The following DGKI variants were observed in gnomAD, a reference collection of about 807,000 sequenced individuals.
DGKI encodes DAG kinase iota.
A neutral mutation model predicts 147.5 loss-of-function variants in DGKI; 55 were observed. The ratio of observed to expected loss-of-function variants is 0.37; its 90% CI spans 0.30 to 0.47. The LOEUF (loss-of-function observed/expected upper bound fraction) is 0.47, where lower values mean the gene tolerates loss of function less well. DGKI is among the 20% of genes least tolerant of loss of function. The probability of loss-of-function intolerance (pLI) is 1.00; values close to 1 mark genes in which losing one functional copy is unlikely to be tolerated. For synonymous variants in DGKI, 469 were observed against 477.1 expected, an observed-to-expected ratio of 0.98 and a Z score of 0.22; for missense variants, 1,007 against 1,323.8, an observed-to-expected ratio of 0.76 and a Z score of 3.71.
At chr7:137,808,400 A>C (rs1343431309) in intron 1 of DGKI, among the ~76,000 whole-genome samples, 1 of 152,190 alleles carries the variant, frequency 6.6e-6, no homozygotes, top group Non-Finnish European at 1.5e-5. Flanking sequence ...TGTTTACAGT[A>C]TTTCATTTAC....
chr7:137,845,997 T>C (rs1798703400), intron 1 of DGKI, among the ~76,000 whole-genome samples: 1 of 152,102 alleles, frequency 6.6e-6, no homozygotes. Context: ...GTCAAGTTAG[T>C]GCCAAAGGTT....
chr7:137,766,603 C>G (rs1196164424), intron 1 of DGKI, among the ~76,000 whole-genome samples: 1 of 152,168 alleles, frequency 6.6e-6, no homozygotes, highest in Non-Finnish European at 1.5e-5. Context: ...TCATGGACTT[C>G]CTCCAGGGCA....
At chr7:137,691,712 T>C (rs1229678371) in intron 1 of DGKI, among the ~76,000 whole-genome samples, 1 of 150,458 alleles carries the variant, frequency 6.6e-6, no homozygotes, top group Non-Finnish European at 1.5e-5. Flanking sequence ...AAACACTGAG[T>C]AGAAGCCAGT....
At chr7:137,506,242 T>C (rs1338934788) in intron 21 of DGKI, among the ~76,000 whole-genome samples, 2 of 152,198 alleles carry the variant, frequency 1.3e-5, no homozygotes, top group Admixed American at 1.3e-4. Flanking sequence ...AATTGTGGTA[T>C]GCCCAGACAA....
At chr7:137,763,181 G>T (rs953366500) in intron 1 of DGKI, among the ~76,000 whole-genome samples, 1 of 152,186 alleles carries the variant, frequency 6.6e-6, no homozygotes, top group African/African-American at 2.4e-5. Context: ...ATTTTTATAG[G>T]CAACAGAATG....
At chr7:137,416,842 G>A (rs1039251411) in intron 28 of DGKI, among the ~76,000 whole-genome samples, 1 of 152,138 alleles carries the variant, frequency 6.6e-6, no homozygotes, top group Non-Finnish European at 1.5e-5. Context: ...AAGATCATAT[G>A]ACAGAATCAT....
intron 1 of DGKI, among the ~76,000 whole-genome samples, chr7:137,813,284 A>G (rs1259354009): frequency 6.6e-6 from 1 of 151,882 alleles, no homozygotes; most frequent in Non-Finnish European, 1.5e-5. Context: ...CTGAAAACCA[A>G]CTCCTGACTT....
chr7:137,448,868 G>T (rs1813838056), intron 27 of DGKI, among the ~76,000 whole-genome samples: 2 of 152,172 alleles, frequency 1.3e-5, no homozygotes, highest in South Asian at 4.1e-4. Flanking sequence ...TGAACTAGTT[G>T]TTATTAAAGA....
intron 14 of DGKI, among the ~76,000 whole-genome samples, chr7:137,584,293 A>T (rs189122802): frequency 2.0e-5 from 3 of 152,230 alleles, no homozygotes; most frequent in Admixed American, 2.0e-4. Context: ...ACACATACAG[A>T]GTTTAAAAAT....
intron 28 of DGKI, among the ~76,000 whole-genome samples, chr7:137,436,679 A>C (rs556712443): frequency 6.6e-6 from 1 of 152,322 alleles, no homozygotes; most frequent in South Asian, 2.1e-4. Flanking sequence ...TATGAATATC[A>C]TATACATACT....
intron 30 of DGKI, among the ~76,000 whole-genome samples, chr7:137,400,653 C>G (rs548278558): frequency 6.6e-6 from 1 of 152,284 alleles, no homozygotes; most frequent in East Asian, 1.9e-4. Flanking sequence ...ACCCATCACT[C>G]TCCTTCCCTC....
intron 1 of DGKI, among the ~76,000 whole-genome samples, chr7:137,812,492 C>A (rs1212645310): frequency 2.0e-5 from 3 of 152,172 alleles, no homozygotes; most frequent in Non-Finnish European, 2.9e-5. Context: ...GGTGCCAAGG[C>A]AGGATGACTG....
chr7:137,397,865 T>C (rs1811609155), intron 30 of DGKI, among the ~76,000 whole-genome samples: 1 of 152,210 alleles, frequency 6.6e-6, no homozygotes. Flanking sequence ...ATTCCAGTTT[T>C]TATAAAATTT....
At chr7:137,480,369 A>G (rs1396872035) in intron 23 of DGKI, among the ~76,000 whole-genome samples, 3 of 152,204 alleles carry the variant, frequency 2.0e-5, no homozygotes, top group African/African-American at 7.2e-5. Flanking sequence ...CAGAAAACAA[A>G]TGGAGGAGGA....
Position 137,465,966 on chromosome 7 carries a change from A to G in DGKI, c.2554T>C (p.Ser852Pro). 1.2e-6 allele frequency: 2 copies of G among 1,614,158 alleles called. No individual in the cohort carries two copies. The highest frequency in any genetic ancestry group is 1.7e-6 in the Non-Finnish European group (2 of 1,179,994). ...IFILDPDMVV[S>P]QPAGTPPGMP... ...CCCGGAGGTGTCCCCGCCGGCTGTG[A>G]CACCACCATATCTGGGTCCAGAATA... The change falls in exon 26 of 33, where the codon TCA (serine) becomes CCA (proline). Residue 852 changes from serine (S) to proline (P), a missense_variant. By Grantham distance (74) the Ser-to-Pro change is moderately conservative (BLOSUM62 -1). Coordinates refer to ENST00000614521, the MANE Select transcript of DGKI (RefSeq NM_001321708.2).
At chr7:137,739,656 T>G (rs1795122112) in intron 1 of DGKI, among the ~76,000 whole-genome samples, 1 of 152,114 alleles carries the variant, frequency 6.6e-6, no homozygotes, top group Admixed American at 6.6e-5. Flanking sequence ...ATAGTCAGAA[T>G]GGCCAATGAC....
chr7:137,791,669 G>T (rs543058497), intron 1 of DGKI, among the ~76,000 whole-genome samples: 26 of 152,326 alleles, frequency 1.7e-4, no homozygotes, highest in Non-Finnish European at 2.6e-4. Flanking sequence ...AAACCTTTTA[G>T]CTCTTTGGAA....
rs909302879 is a variant in DGKI, at chr7:137,680,792, GA to G, written c.511-2141del. Among the ~76,000 whole-genome samples, 40 of 142,424 alleles carry G rather than the reference GA, an allele frequency of 2.8e-4. 1 individual carries two copies. The highest frequency in any genetic ancestry group is 7.0e-4 in the African/African-American group (27 of 38,816). The allele number at this position is 142,424 out of a possible 152,430, so 93.4% of individuals were successfully genotyped here. On this transcript the variant is annotated intron_variant, in intron 2 of 32. Transcript: ENST00000614521. The stretch of plus-strand genomic sequence containing the variant: ...CAATATTCTGACTCAAAAGAAAAGA[GA>G]AAAAAAAAAGGAATATACACTAAAT...
intron 3 of DGKI, among the ~76,000 whole-genome samples, chr7:137,672,019 T>A (rs944261293): frequency 2.0e-5 from 3 of 152,206 alleles, no homozygotes; most frequent in Non-Finnish European, 4.4e-5. Flanking sequence ...AGTTCCATTT[T>A]TCCTCTTACA....
Sources: gnomAD v4.1 joint callset for allele counts (sites outside exome capture counted in the v4.1 genomes callset) on GRCh38, gnomAD v4.1.1 for gene constraint, MANE v1.5 for transcripts, NCBI Gene and HGNC (gene_info 2026-07-23, HGNC 2026-07-21) for gene names.